The following DRC11 variants were observed in gnomAD, a reference collection of about 807,000 sequenced individuals.
DRC11 encodes dynein regulatory complex subunit 11.
At chr2:236,321,446 G>A in the DRC11 span, among the ~76,000 whole-genome samples, 93 of 152,336 alleles carry the variant, frequency 6.1e-4, no homozygotes, top group Middle Eastern at 3.4e-3. Context: ...TGTGAAACAC[G>A]CAGAATATGA....
chr2:236,427,883 C>T, the DRC11 span, among the ~76,000 whole-genome samples: 1 of 151,766 alleles, frequency 6.6e-6, no homozygotes, highest in African/African-American at 2.4e-5. This position sits in a 1 kb window ranked among gnomAD's most constrained non-coding sequence, Gnocchi z 5.9. Flanking sequence ...TAGAAATTTC[C>T]CTCTTAGTAC....
chr2:236,411,004 A>C, the DRC11 span, among the ~76,000 whole-genome samples: 14 of 146,120 alleles, frequency 9.6e-5, no homozygotes, highest in African/African-American at 3.3e-4. Context: ...TTCATGTCTA[A>C]AACACCAAAA....
chr2:236,399,413 C>A, the DRC11 span: 2 of 1,613,494 alleles, frequency 1.2e-6, no homozygotes, highest in Non-Finnish European at 1.7e-6. This position sits in a 1 kb window ranked among gnomAD's most constrained non-coding sequence, Gnocchi z 7.0. Flanking sequence ...CTAAACTGAC[C>A]TTTGTATGCG....
At chr2:236,491,059 T>TATATACAC in the DRC11 span, among the ~76,000 whole-genome samples, 555 of 138,188 alleles carry the variant, frequency 4.0e-3, 4 homozygotes, top group African/African-American at 0.015. Flanking sequence ...TATATATATA[T>TATATACAC]ACACACAGTA....
At chr2:236,487,331 C>A in the DRC11 span, among the ~76,000 whole-genome samples, 8 of 152,190 alleles carry the variant, frequency 5.3e-5, no homozygotes, top group African/African-American at 1.9e-4. Context: ...AAAACAGACT[C>A]TTATCCATCC....
At chr2:236,328,970 G>GTGTCCC in the DRC11 span, among the ~76,000 whole-genome samples, 1 of 152,214 alleles carries the variant, frequency 6.6e-6, no homozygotes, top group South Asian at 2.1e-4. This position sits in a 1 kb window ranked among gnomAD's most constrained non-coding sequence, Gnocchi z 6.7. Context: ...CTGCAGTGCT[G>GTGTCCC]TGTCCCTTTC....
At chr2:236,324,265 T>G in the DRC11 span, 3 of 177,120 alleles carry the variant, frequency 1.7e-5, no homozygotes, top group East Asian at 1.4e-4. The surrounding 1 kb of genome is among the most constrained non-coding windows in gnomAD (Gnocchi z 5.7). Flanking sequence ...AAAAAGCTAG[T>G]GTACTGATGA....
chr2:236,501,132 G>T, the DRC11 span, among the ~76,000 whole-genome samples: 1 of 152,192 alleles, frequency 6.6e-6, no homozygotes, highest in Non-Finnish European at 1.5e-5. Flanking sequence ...GTGGGAGCAG[G>T]CATCTCACAT....
At chr2:236,464,897 C>T in the DRC11 span, among the ~76,000 whole-genome samples, 1 of 152,190 alleles carries the variant, frequency 6.6e-6, no homozygotes, top group Non-Finnish European at 1.5e-5. Flanking sequence ...TCCTGCATCA[C>T]CTTCTGCCGT....
chr2:236,322,229 C>CTTTTTT, the DRC11 span, among the ~76,000 whole-genome samples: 14 of 98,528 alleles, frequency 1.4e-4, no homozygotes, highest in Middle Eastern at 7.2e-3. Context: ...TTTCTTTCCT[C>CTTTTTT]TTTTTTTTTT....
the DRC11 span, among the ~76,000 whole-genome samples, chr2:236,320,053 T>C: frequency 2.6e-5 from 4 of 152,206 alleles, no homozygotes; most frequent in Non-Finnish European, 5.9e-5. Context: ...GGTGAAAGAT[T>C]TGTAGCATGA....
At chr2:236,449,192 T>C in the DRC11 span, among the ~76,000 whole-genome samples, 1 of 152,170 alleles carries the variant, frequency 6.6e-6, no homozygotes, top group African/African-American at 2.4e-5. The surrounding 1 kb of genome is among the most constrained non-coding windows in gnomAD (Gnocchi z 5.1). Context: ...AAACTGGGCC[T>C]GACACTAGGA....
the DRC11 span, among the ~76,000 whole-genome samples, chr2:236,351,660 C>T: frequency 6.6e-6 from 1 of 151,480 alleles, no homozygotes; most frequent in Non-Finnish European, 1.5e-5. This position sits in a 1 kb window ranked among gnomAD's most constrained non-coding sequence, Gnocchi z 7.3. Context: ...CTGTGCTGGC[C>T]TTGGGGAGCA....
the DRC11 span, among the ~76,000 whole-genome samples, chr2:236,466,069 T>A: frequency 6.6e-5 from 10 of 152,176 alleles, no homozygotes; most frequent in South Asian, 2.1e-4. Flanking sequence ...TCTTCTCAAG[T>A]TTTTTATCTA....
chr2:236,388,305 G>A, the DRC11 span, among the ~76,000 whole-genome samples: 2 of 148,704 alleles, frequency 1.3e-5, no homozygotes, highest in African/African-American at 4.9e-5. Flanking sequence ...ACACCAATCA[G>A]ACGTAGATTT....
the DRC11 span, among the ~76,000 whole-genome samples, chr2:236,399,097 C>A: frequency 6.6e-6 from 1 of 151,764 alleles, no homozygotes; most frequent in Non-Finnish European, 1.5e-5. The surrounding 1 kb of genome is among the most constrained non-coding windows in gnomAD (Gnocchi z 7.0). Context: ...TCAAGTGATT[C>A]TCCTGCTTCA....
At chr2:236,374,356 G>A in the DRC11 span, among the ~76,000 whole-genome samples, 3 of 152,154 alleles carry the variant, frequency 2.0e-5, no homozygotes, top group African/African-American at 7.2e-5. Flanking sequence ...ATATGGACAA[G>A]GTCAAAGTGT....
At chr2:236,491,985 T>A in the DRC11 span, among the ~76,000 whole-genome samples, 7 of 152,212 alleles carry the variant, frequency 4.6e-5, no homozygotes, top group African/African-American at 1.7e-4. Flanking sequence ...AATACTGTTA[T>A]CGGGGGAATA....
the DRC11 span, among the ~76,000 whole-genome samples, chr2:236,366,834 CTCTT>C: frequency 7.7e-5 from 11 of 142,688 alleles, no homozygotes; most frequent in African/African-American, 2.6e-4. Context: ...CTCTCTCTCT[CTCTT>C]TCTCTCTTTC....
Sources: allele counts gnomAD v4.1 joint callset (sites outside exome capture counted in the v4.1 genomes callset), GRCh38; gene constraint gnomAD v4.1.1; non-coding constraint Gnocchi (gnomAD v3.1); transcripts MANE v1.5; gene names NCBI Gene and HGNC (gene_info 2026-07-23, HGNC 2026-07-21).